Variants in ADK observed in about 807,000 individuals in gnomAD.
ADK encodes the protein N6,N6-dimethyladenosine kinase.
Under a neutral mutation model 44.7 loss-of-function variants are expected in ADK, and 24 were observed. The ratio of observed to expected loss-of-function variants is 0.54; its 90% CI spans 0.39 to 0.76. ADK has a LOEUF of 0.76. ADK is among the 30% of genes least tolerant of loss of function. The pLI is 0.00. For missense variants in ADK, 321 were observed against 425.1 expected (o/e 0.76, Z 2.15); for synonymous variants, 128 against 142.6 (o/e 0.90, Z 0.73).
At chr10:74,498,498 A>G in intron 6 of ADK, among the ~76,000 whole-genome samples, 1 of 152,364 alleles carries the variant, frequency 6.6e-6, no homozygotes, top group East Asian at 1.9e-4. Flanking sequence ...CATATAATCT[A>G]TCCTTTTCTC....
intron 4 of ADK, among the ~76,000 whole-genome samples, chr10:74,366,839 C>T (rs940939613): frequency 2.6e-5 from 4 of 152,004 alleles, no homozygotes; most frequent in Non-Finnish European, 5.9e-5. Flanking sequence ...CTGAGGTGGG[C>T]GGATTGTTTG....
At chr10:74,569,400 G>A (rs1477539252) in intron 7 of ADK, among the ~76,000 whole-genome samples, 1 of 152,150 alleles carries the variant, frequency 6.6e-6, no homozygotes, top group Non-Finnish European at 1.5e-5. Flanking sequence ...CCAACAGTGT[G>A]AAAGTGTTTC....
intron 3 of ADK, among the ~76,000 whole-genome samples, chr10:74,311,928 G>T (rs539533616): frequency 6.6e-6 from 1 of 152,164 alleles, no homozygotes; most frequent in Non-Finnish European, 1.5e-5. Flanking sequence ...AGCACTTTGG[G>T]AGTCCGAGGC....
intron 3 of ADK, among the ~76,000 whole-genome samples, chr10:74,248,645 T>C (rs759212452): frequency 5.3e-5 from 8 of 152,210 alleles, no homozygotes; most frequent in Non-Finnish European, 7.3e-5. Context: ...TGATCCACCG[T>C]GCCCAGCCTT....
intron 1 of ADK, among the ~76,000 whole-genome samples, chr10:74,169,684 C>T (rs1256876984): frequency 6.6e-6 from 1 of 152,136 alleles, no homozygotes; most frequent in African/African-American, 2.4e-5. Context: ...AAGCAAACAA[C>T]ATAATAGCAT....
intron 4 of ADK, among the ~76,000 whole-genome samples, chr10:74,352,959 G>A (rs1330265656): frequency 6.6e-6 from 1 of 152,218 alleles, no homozygotes; most frequent in Non-Finnish European, 1.5e-5. Flanking sequence ...CTTTTACACT[G>A]TTGGTGGGAG....
Position 74,224,571 on chromosome 10 carries a change from T to A in ADK, c.174T>A (p.Ala58=). 6.2e-7 allele frequency: 1 copy of A among 1,613,768 alleles called. No homozygotes were observed. The highest frequency in any genetic ancestry group is 8.5e-7 in the Non-Finnish European group (1 of 1,179,764). ...YSLKPNDQIL[A]EDKHKELFDE... is the part of the protein sequence containing the mutation. ...TGAAACCAAATGACCAAATCTTGGCTGAAGACAAACACAAGGAACTGTAAG... is the reference window on the plus strand; with the variant it reads ...TGAAACCAAATGACCAAATCTTGGCAGAAGACAAACACAAGGAACTGTAAG... The change falls in exon 3 of 11, where the codon GCT becomes GCA. Residue 58 remains alanine (A), a synonymous_variant. Coordinates refer to ENST00000539909, the MANE Select transcript of ADK (RefSeq NM_006721.4).
rs372174413 is a variant in ADK at position 74,517,561 on chromosome 10, T to C, written c.556-7695T>C. On this transcript the variant is annotated intron_variant, in intron 6 of 10. Coordinates refer to ENST00000539909, the MANE Select transcript of ADK (RefSeq NM_006721.4). Reference sequence around the variant, plus strand: ...AAAACTAGCTGGGCGTCGTGGTGCATGCCTGTAGTCCCAGCTACTTAGGAG... The same window carrying C: ...AAAACTAGCTGGGCGTCGTGGTGCACGCCTGTAGTCCCAGCTACTTAGGAG... Among the ~76,000 whole-genome samples the C allele has an allele frequency of 9.0e-4, 136 of 151,826 alleles. 4 individuals are homozygous for C. In the South Asian group the frequency reaches 0.027, roughly 30 times the overall value.
chr10:74,439,788 A>G (rs1034268842), intron 6 of ADK, among the ~76,000 whole-genome samples: 1 of 152,050 alleles, frequency 6.6e-6, no homozygotes, highest in Non-Finnish European at 1.5e-5. Flanking sequence ...ATGTTATTTT[A>G]ATGTTTAAAT....
At chr10:74,589,402 G>A (rs1851641868) in intron 8 of ADK, 85 bp downstream of exon 8, 22 of 1,368,472 alleles carry the variant, frequency 1.6e-5, no homozygotes, top group Non-Finnish European at 2.2e-5. Context: ...AGTGATTGAT[G>A]TGCTATTATA....
chr10:74,426,133 TCTA>T (rs1479230996), intron 6 of ADK, among the ~76,000 whole-genome samples: 3 of 152,306 alleles, frequency 2.0e-5, no homozygotes, highest in Non-Finnish European at 4.4e-5. Flanking sequence ...TTGCATTATA[TCTA>T]CTATTTCAGT....
intron 2 of ADK, among the ~76,000 whole-genome samples, chr10:74,220,682 G>A (rs966950886): frequency 3.3e-5 from 5 of 152,072 alleles, no homozygotes; most frequent in Non-Finnish European, 7.3e-5. Context: ...ATGATCAAGT[G>A]GGCTTCATCC....
rs1177032475 is a variant in ADK, at chr10:74,694,390, C to CA, written c.965-13921dup. 5.6e-3 allele frequency among the ~76,000 whole-genome samples: 806 copies of CA among 144,262 alleles called. 8 individuals carry two copies. The highest frequency in any genetic ancestry group is 0.019 in the African/African-American group (748 of 39,040). The allele number at this position is 144,262 out of a possible 152,430, so 94.6% of individuals were successfully genotyped here. A position where few individuals can be genotyped will look rare whatever the true frequency, so the allele number is the denominator to read the frequency against. On this transcript the variant is annotated intron_variant, in intron 10 of 10. Transcript: ENST00000539909. ...ACCTAGTGAGGCCCCATCTCTACCC[C>CA]AAAAAAAAAAGAAAAAGAAACTTAT...
chr10:74,483,584 A>G (rs2133361757), intron 6 of ADK, among the ~76,000 whole-genome samples: 1 of 152,236 alleles, frequency 6.6e-6, no homozygotes, highest in African/African-American at 2.4e-5. Context: ...AACTTTCCAA[A>G]TTCTGTTTCC....
rs190404845 is a variant in ADK at position 74,700,402 on chromosome 10, C to A, written c.965-7919C>A. On this transcript the variant is annotated intron_variant, in intron 10 of 10. Coordinates refer to ENST00000539909, the MANE Select transcript of ADK (RefSeq NM_006721.4). ...GGATTACAGGCACCCGCCACCACAC[C>A]CGGCTAATTTTTGTATTTTTAGTAG... Among the ~76,000 whole-genome samples the A allele has an allele frequency of 8.1e-3, 1,232 of 152,166 alleles. 20 individuals are homozygous for A. The highest frequency in any genetic ancestry group is 0.028 in the African/African-American group (1,150 of 41,510).
At chr10:74,302,090 GTTTTTTTTTTGTTTGTTTGTTTTTTTTTT>G (rs1840057839) in intron 3 of ADK, among the ~76,000 whole-genome samples, 3 of 17,032 alleles carry the variant, frequency 1.8e-4, no homozygotes, top group Admixed American at 7.5e-4. Flanking sequence ...TTTCTTTTCT[GTTTTTTTTTTGTTTGTTTGTTTTTTTTTT>G]TTTTTTTTTT....
intron 4 of ADK, among the ~76,000 whole-genome samples, chr10:74,319,163 G>T (rs919712123): frequency 6.6e-6 from 1 of 152,064 alleles, no homozygotes; most frequent in Non-Finnish European, 1.5e-5. Flanking sequence ...TCCAACTGTG[G>T]TTACGTTATT....
chr10:74,308,582 G>A (rs1840332191), intron 3 of ADK, among the ~76,000 whole-genome samples: 1 of 152,118 alleles, frequency 6.6e-6, no homozygotes, highest in East Asian at 1.9e-4. Context: ...TGTTTAGAAT[G>A]ACTTATGTTT....
intron 4 of ADK, among the ~76,000 whole-genome samples, chr10:74,374,750 T>C (rs1250759317): frequency 1.3e-5 from 2 of 152,186 alleles, no homozygotes; most frequent in African/African-American, 2.4e-5. Context: ...TCTGTGTTTT[T>C]TGTGTGTATG....
Sources: gnomAD v4.1 joint callset for allele counts (sites outside exome capture counted in the v4.1 genomes callset) on GRCh38, gnomAD v4.1.1 for gene constraint, MANE v1.5 for transcripts, NCBI Gene and HGNC (gene_info 2026-07-23, HGNC 2026-07-21) for gene names.